The following TNFRSF8 variants were observed in gnomAD, a reference collection of about 807,000 sequenced individuals.
TNFRSF8 encodes the protein TNF receptor superfamily member 8, also known as tumor necrosis factor receptor superfamily member 8.
In TNFRSF8, 26 loss-of-function variants were observed where a neutral mutation model predicts 70.8. The observed-to-expected ratio is 0.37, with a 90% CI of 0.27 to 0.51. TNFRSF8 has a LOEUF of 0.51. Ranked by LOEUF, TNFRSF8 falls within the 20% of genes least tolerant of loss-of-function variation. The pLI is 0.94. For missense variants in TNFRSF8, 720 were observed against 807.9 expected, an observed-to-expected ratio of 0.89 and a Z score of 1.32; for synonymous variants, 356 against 339.2, an observed-to-expected ratio of 1.05 and a Z score of -0.54.
chr1:12,138,086 C>T lies in TNFRSF8; in HGVS notation c.1336-143C>T, dbSNP rs545670634. The T allele has an allele frequency of 5.2e-5, 41 of 785,080 alleles. No homozygotes were observed. Among genetic ancestry groups the T allele is most frequent in the Admixed American group, 3.3e-4 (11 of 33,142 alleles). The allele number at this position is 785,080 out of a possible 1,614,324, so 48.6% of individuals were successfully genotyped here. On this transcript the variant is annotated intron_variant, in intron 13 of 14. Coordinates refer to ENST00000263932, the MANE Select transcript of TNFRSF8 (RefSeq NM_001243.5). The surrounding 1 kb of genome is among the most constrained non-coding windows in gnomAD (Gnocchi z 5.7). ...ACTTCACCCAGAAAGCTGAGAAGCC[C>T]GGGGCAGCTCATGGCAGCTTTTAAA... is the stretch of plus-strand genomic sequence containing the variant.
At chr1:12,070,145 TG>T (rs35249351) in intron 1 of TNFRSF8, among the ~76,000 whole-genome samples, 87,117 of 131,838 alleles carry the variant, frequency 0.66, 25,713 homozygotes, top group Admixed American at 0.73. Flanking sequence ...CTGTCTGCTG[TG>T]GGGGGCTGGG....
intron 8 of TNFRSF8, among the ~76,000 whole-genome samples, chr1:12,122,085 G>A (rs906067278): frequency 6.6e-6 from 1 of 152,114 alleles, no homozygotes; most frequent in Non-Finnish European, 1.5e-5. Flanking sequence ...GTGAGGAGGG[G>A]CACTAGGGAA....
Position 12,115,707 on chromosome 1 carries a change from A to G in TNFRSF8, c.924A>G (p.Ala308=). 1 of 1,614,166 alleles carries G rather than the reference A, an allele frequency of 6.2e-7. No homozygotes were observed. The highest frequency in any genetic ancestry group is 1.3e-5 in the African/African-American group (1 of 75,048). ...GTGTCCCCTACCCAATCTGTGCAGC[A>G]GAGACGGTCACCAAGCCCCAGGGTA... ...ARCVPYPICA[A]ETVTKPQDMA... The change falls in exon 8 of 15, where the codon GCA becomes GCG. Residue 308 remains alanine (A), a synonymous_variant. Coordinates refer to ENST00000263932, the MANE Select transcript of TNFRSF8 (RefSeq NM_001243.5).
At chr1:12,065,926 G>C (rs1640732326) in intron 1 of TNFRSF8, among the ~76,000 whole-genome samples, 1 of 152,190 alleles carries the variant, frequency 6.6e-6, no homozygotes, top group Non-Finnish European at 1.5e-5. Context: ...AGAGAATACT[G>C]AGGTTGCAGG....
chr1:12,112,367 T>G lies in TNFRSF8; in HGVS notation c.793+353T>G, dbSNP rs1570045876. 6.6e-6 allele frequency among the ~76,000 whole-genome samples: 1 copy of G among 151,066 alleles called. No homozygotes were observed. ...GGTTCCAGGTTCTCGTCCACTCCAC[T>G]CGCTGCCCCTATGAGCCACTTATTC... On this transcript the variant is annotated intron_variant, in intron 7 of 14. Transcript: ENST00000263932. This position sits in a 1 kb window ranked among gnomAD's most constrained non-coding sequence, Gnocchi z 5.3.
chr1:12,136,661 A>C (rs1642151081), intron 13 of TNFRSF8, among the ~76,000 whole-genome samples: 1 of 151,920 alleles, frequency 6.6e-6, no homozygotes. Context: ...AAAAAAAAAA[A>C]AAAAAAGGCA....
At chr1:12,077,569 G>A (rs1640987839) in intron 1 of TNFRSF8, among the ~76,000 whole-genome samples, 1 of 152,218 alleles carries the variant, frequency 6.6e-6, no homozygotes, top group African/African-American at 2.4e-5. Context: ...ACCTTAGTGA[G>A]CAGGGAAACC....
chr1:12,137,631 A>G (rs1002963877), intron 13 of TNFRSF8, among the ~76,000 whole-genome samples: 3 of 150,628 alleles, frequency 2.0e-5, no homozygotes, highest in African/African-American at 7.3e-5. Flanking sequence ...ATTATATAGT[A>G]TAGAGGTCAC....
At chr1:12,101,724 A>G (rs895632414) in intron 3 of TNFRSF8, among the ~76,000 whole-genome samples, 3 of 152,126 alleles carry the variant, frequency 2.0e-5, no homozygotes, top group African/African-American at 4.8e-5. Flanking sequence ...TCTGTTGCCC[A>G]GGCTGGAGTG....
chr1:12,089,291 A>C (rs1226856301), intron 2 of TNFRSF8, among the ~76,000 whole-genome samples: 1 of 152,086 alleles, frequency 6.6e-6, no homozygotes, highest in Non-Finnish European at 1.5e-5. Context: ...GGCTTGGCAC[A>C]TAGTAGAGTC....
intron 2 of TNFRSF8, among the ~76,000 whole-genome samples, chr1:12,096,282 A>G (rs551636625): frequency 2.6e-5 from 4 of 152,276 alleles, no homozygotes; most frequent in Admixed American, 1.3e-4. Flanking sequence ...TTATCTCGAA[A>G]TCAGGCTGGA....
Position 12,142,556 on chromosome 1 carries a change from AG to A in TNFRSF8, c.*28del, listed in dbSNP as rs1642275615. The stretch of plus-strand genomic sequence containing the variant: ...AGGCCTGGGCTGGGCTGGGGCTAGG[AG>A]GGCAGCAGGGTGGCCTCTGGGAGGC... On this transcript the variant is annotated 3_prime_UTR_variant, in exon 15 of 15. Transcript: ENST00000263932. The surrounding 1 kb of genome is among the most constrained non-coding windows in gnomAD (Gnocchi z 5.0). 1.3e-6 allele frequency: 2 copies of A among 1,549,888 alleles called. No individual in the cohort carries two copies. The highest frequency in any genetic ancestry group is 2.4e-5 in the South Asian group (2 of 84,216).
At position 12,065,714 on chromosome 1, in the gene TNFRSF8, C is replaced by A. The variant is rs117243106; in HGVS notation, c.63+2053C>A. Among the ~76,000 whole-genome samples, 388 of 152,230 alleles carry A rather than the reference C, an allele frequency of 2.5e-3. 4 individuals carry two copies. In the East Asian group the frequency reaches 0.03, roughly 12 times the overall value. On this transcript the variant is annotated intron_variant, in intron 1 of 14. Coordinates refer to ENST00000263932, the MANE Select transcript of TNFRSF8 (RefSeq NM_001243.5). ...GCTTTCCATGCTGAAACTTACAGAT[C>A]CTCTGCCTATCTTTTAAAATGCTAT... is the stretch of plus-strand genomic sequence containing the variant.
At chr1:12,101,970 C>T (rs925933294) in intron 3 of TNFRSF8, among the ~76,000 whole-genome samples, 2 of 152,302 alleles carry the variant, frequency 1.3e-5, no homozygotes, top group Middle Eastern at 3.4e-3. Context: ...CCACCGCGCC[C>T]GGCTTCCATT....
rs74052998 is a variant in TNFRSF8, at chr1:12,106,711, G to A, written c.421+2180G>A. Among the ~76,000 whole-genome samples the A allele has an allele frequency of 2.4e-3, 359 of 152,144 alleles. 2 individuals are homozygous for A. The highest frequency in any genetic ancestry group is 8.4e-3 in the African/African-American group (349 of 41,506). On this transcript the variant is annotated intron_variant, in intron 4 of 14. Coordinates refer to ENST00000263932, the MANE Select transcript of TNFRSF8 (RefSeq NM_001243.5). ...AGCGCTCTGCTAAGGAATGATGGAGGCCTCCACCCATAAGCAGGGGAGAGT... is the reference window on the plus strand; with the variant it reads ...AGCGCTCTGCTAAGGAATGATGGAGACCTCCACCCATAAGCAGGGGAGAGT...
Position 12,125,988 on chromosome 1 carries a change from G to T in TNFRSF8, c.1191G>T (p.Val397=). Residue 397 remains valine, a synonymous_variant, in exon 11 of 15, where the codon GTG becomes GTT. Transcript: ENST00000263932. ...TCTGGGTGATCCTGGTGTTGGTTGT[G>T]GTGGTCGGCTCCAGCGCCTTCCTCC... The part of the protein sequence containing the change: ...VLFWVILVLV[V]VVGSSAFLLC... 6.2e-7 allele frequency: 1 copy of T among 1,614,206 alleles called. No individual in the cohort carries two copies. The highest frequency in any genetic ancestry group is 8.5e-7 in the Non-Finnish European group (1 of 1,180,032).
rs370307446 is a variant in TNFRSF8, at chr1:12,138,496, G to A, written c.1543+60G>A. ...CCAGGGGCAGATGGGAGATGAATAC[G>A]GGGCCCTGGGCCCTGGAAGGGACCT... On this transcript the variant is annotated intron_variant, in intron 14 of 14. Transcript: ENST00000263932. This position sits in a 1 kb window ranked among gnomAD's most constrained non-coding sequence, Gnocchi z 5.7. 1.4e-4 allele frequency: 207 copies of A among 1,503,804 alleles called. No homozygotes were observed. In the East Asian group the frequency reaches 2.4e-3, roughly 17 times the overall value. The allele number at this position is 1,503,804 out of a possible 1,614,324, so 93.2% of individuals were successfully genotyped here. A position where few individuals can be genotyped will look rare whatever the true frequency, so the allele number is the denominator to read the frequency against.
At chr1:12,135,858 G>A (rs567919335) in intron 13 of TNFRSF8, among the ~76,000 whole-genome samples, 2 of 152,296 alleles carry the variant, frequency 1.3e-5, no homozygotes, top group African/African-American at 4.8e-5. Context: ...GGCTAAGGAT[G>A]GAGAGCCCCA....
intron 10 of TNFRSF8, among the ~76,000 whole-genome samples, chr1:12,124,853 CAAAA>C (rs777573443): frequency 6.9e-6 from 1 of 145,732 alleles, no homozygotes; most frequent in Non-Finnish European, 1.5e-5. Context: ...CAAAACAAAA[CAAAA>C]CAAAACAAAA....
Sources: allele counts gnomAD v4.1 joint callset (sites outside exome capture counted in the v4.1 genomes callset), GRCh38; gene constraint gnomAD v4.1.1; non-coding constraint Gnocchi (gnomAD v3.1); transcripts MANE v1.5; gene names NCBI Gene and HGNC (gene_info 2026-07-23, HGNC 2026-07-21).